The following COL5A1 variants were observed in gnomAD, a reference collection of about 807,000 sequenced individuals.
COL5A1 encodes the protein collagen type V alpha 1 chain.
A neutral mutation model predicts 263.7 loss-of-function variants in COL5A1; 16 were observed. That is an observed-to-expected ratio of 0.06 (90% CI 0.04 to 0.09). The LOEUF (loss-of-function observed/expected upper bound fraction) is 0.09. Ranked by LOEUF, COL5A1 falls within the 10% of genes least tolerant of loss-of-function variation. The probability of loss-of-function intolerance (pLI) is 1.00; values close to 1 mark genes in which losing one functional copy is unlikely to be tolerated. For synonymous variants in COL5A1, 1,012 were observed against 1,004.5 expected (o/e 1.01, Z -0.14); for missense variants, 2,036 against 2,540.5 (o/e 0.80, Z 4.27).
At chr9:134,835,317 C>T (rs1839814648) in intron 65 of COL5A1, 113 bp downstream of exon 65, 3 of 941,216 alleles carry the variant, frequency 3.2e-6, no homozygotes, top group Admixed American at 2.0e-5. Flanking sequence ...CAGTGAGGGC[C>T]CCGGACCAGA....
chr9:134,738,446 C>A, intron 9 of COL5A1, 28 bp from the exon 10 acceptor site: 1 of 1,613,898 alleles, frequency 6.2e-7, no homozygotes, highest in Non-Finnish European at 8.5e-7. Flanking sequence ...GGGCTGCGGT[C>A]TCAGACGCCC....
Position 134,812,808 on chromosome 9 carries a change from G to A in COL5A1, c.3852+96G>A, listed in dbSNP as rs569768705. ...TGTGTCTGTGTGTATGTGTATGTGC[G>A]CATGCACACGCTTGTGGGGGTGCAT... On this transcript the variant is annotated intron_variant, in intron 48 of 65. Transcript: ENST00000371817. 1.6e-4 allele frequency: 137 copies of A among 864,506 alleles called. 1 individual carries two copies. The highest frequency in any genetic ancestry group is 3.3e-4 in the Middle Eastern group (1 of 3,072). The allele number at this position is 864,506 out of a possible 1,614,324, so 53.6% of individuals were successfully genotyped here.
chr9:134,738,441 G>A, intron 9 of COL5A1, 33 bp from the exon 10 acceptor site: 2 of 1,613,748 alleles, frequency 1.2e-6, no homozygotes, highest in Non-Finnish European at 1.7e-6. Context: ...GGGATGGGCT[G>A]CGGTCTCAGA....
At chr9:134,720,405 A>G (rs977388166) in intron 4 of COL5A1, among the ~76,000 whole-genome samples, 16 of 152,064 alleles carry the variant, frequency 1.1e-4, no homozygotes, top group Non-Finnish European at 2.2e-4. Context: ...TCATCGACCA[A>G]TTTTCCTGGT....
chr9:134,816,932 G>A (rs1306537880), intron 52 of COL5A1, 94 bp from the exon 53 acceptor site: 47 of 1,164,760 alleles, frequency 4.0e-5, no homozygotes, highest in Middle Eastern at 2.0e-4. Context: ...AGGGCTGGCC[G>A]AGGAGTAAAT....
chr9:134,785,765 G>A (rs1469295994), intron 30 of COL5A1, among the ~76,000 whole-genome samples: 3 of 152,156 alleles, frequency 2.0e-5, no homozygotes, highest in East Asian at 1.9e-4. Flanking sequence ...AGGGGCCTTC[G>A]CTTCTTCCTC....
At position 134,767,353 on chromosome 9, in the gene COL5A1, A is replaced by T. The variant is rs751103807; in HGVS notation, c.2231A>T (p.Lys744Met). Residue 744 changes from lysine to methionine, a missense_variant and splice_region_variant, in exon 24 of 66, where the codon AAG (lysine) becomes ATG (methionine). Transcript: ENST00000371817. ...GGTGCAATTGGTCCTCCAGGAGAAA[A>T]GGTAGGTGGGCCTGGGCTGTGTTGC... ...PQGAIGPPGE[K>M]GPLGKPGLPG... 6.2e-7 allele frequency: 1 copy of T among 1,613,940 alleles called. No homozygotes were observed. The highest frequency in any genetic ancestry group is 1.7e-5 in the Admixed American group (1 of 60,026).
chr9:134,814,080 G>A (rs1048875473), intron 49 of COL5A1, 44 bp downstream of exon 49: 5 of 1,540,992 alleles, frequency 3.2e-6, no homozygotes, highest in African/African-American at 1.4e-5. Context: ...ATGGCCGAGC[G>A]GGTGTGTGGA....
At chr9:134,698,580 G>A (rs1293269646) in intron 2 of COL5A1, among the ~76,000 whole-genome samples, 1 of 152,242 alleles carries the variant, frequency 6.6e-6, no homozygotes, top group Non-Finnish European at 1.5e-5. Context: ...TCAGGATGCT[G>A]TGGGACGAGG....
chr9:134,759,729 C>G (rs1412049643), intron 18 of COL5A1, among the ~76,000 whole-genome samples: 1 of 99,126 alleles, frequency 1.0e-5, no homozygotes, highest in Admixed American at 1.1e-4. Context: ...CACCCCCACA[C>G]TCATACACAC....
intron 48 of COL5A1, among the ~76,000 whole-genome samples, chr9:134,813,105 T>C (rs1838602537): frequency 6.6e-6 from 1 of 152,090 alleles, no homozygotes; most frequent in South Asian, 2.1e-4. Flanking sequence ...CAGTTTCCAT[T>C]TCAGCCGAAT....
At chr9:134,650,818 G>A (rs115474332) in intron 1 of COL5A1, among the ~76,000 whole-genome samples, 157 of 152,368 alleles carry the variant, frequency 1.0e-3, no homozygotes, top group African/African-American at 3.3e-3. Flanking sequence ...GGGTGCTCCC[G>A]TCAGCACCTG....
At chr9:134,809,615 G>A (rs1325004759) in intron 43 of COL5A1, among the ~76,000 whole-genome samples, 1 of 152,248 alleles carries the variant, frequency 6.6e-6, no homozygotes, top group Non-Finnish European at 1.5e-5. Flanking sequence ...TTCAAATTCC[G>A]AAACTGCGGA....
chr9:134,760,502 A>G (rs1371721536), intron 18 of COL5A1, among the ~76,000 whole-genome samples: 1 of 115,970 alleles, frequency 8.6e-6, no homozygotes, highest in African/African-American at 3.8e-5. Flanking sequence ...CCACACATGC[A>G]CACACGCATA....
At chr9:134,651,694 C>T (rs1831691447) in intron 1 of COL5A1, among the ~76,000 whole-genome samples, 1 of 152,146 alleles carries the variant, frequency 6.6e-6, no homozygotes, top group Non-Finnish European at 1.5e-5. Context: ...GGAGAGCCGG[C>T]CCGTTGCCCA....
At chr9:134,776,828 A>C (rs1174483367) in intron 27 of COL5A1, among the ~76,000 whole-genome samples, 1 of 152,222 alleles carries the variant, frequency 6.6e-6, no homozygotes, top group East Asian at 1.9e-4. Flanking sequence ...CAGCAGATGC[A>C]GTGTCTGCGG....
chr9:134,652,291 G>A lies in COL5A1; in HGVS notation c.109+9995G>A, dbSNP rs974052208. ...AGAACACACAGGGCGTCCTTGGGCC[G>A]GTGTGGCGGTAACAGTGAGCTGGTG... On this transcript the variant is annotated intron_variant, in intron 1 of 65. Coordinates refer to ENST00000371817, the MANE Select transcript of COL5A1 (RefSeq NM_000093.5). The surrounding 1 kb of genome is among the most constrained non-coding windows in gnomAD (Gnocchi z 4.4). Among the ~76,000 whole-genome samples, 11 of 152,064 alleles carry A rather than the reference G, an allele frequency of 7.2e-5. No individual in the cohort carries two copies. The highest frequency in any genetic ancestry group is 1.9e-4 in the East Asian group (1 of 5,186).
intron 4 of COL5A1, among the ~76,000 whole-genome samples, chr9:134,720,366 C>T (rs975886273): frequency 3.9e-5 from 6 of 152,314 alleles, no homozygotes; most frequent in Middle Eastern, 3.4e-3. Context: ...CGGCCAGTGC[C>T]GGGCAAGGCT....
intron 7 of COL5A1, among the ~76,000 whole-genome samples, chr9:134,731,015 C>T (rs1372385948): frequency 6.6e-6 from 1 of 152,242 alleles, no homozygotes; most frequent in Non-Finnish European, 1.5e-5. Context: ...TCCAACATGG[C>T]ACTGACAGTT....
Sources: gnomAD v4.1 joint callset for allele counts (sites outside exome capture counted in the v4.1 genomes callset) on GRCh38, gnomAD v4.1.1 for gene constraint, Gnocchi (gnomAD v3.1) non-coding constraint, MANE v1.5 for transcripts, NCBI Gene and HGNC (gene_info 2026-07-23, HGNC 2026-07-21) for gene names.